The following LRRC37A2 variants were observed in gnomAD, a reference collection of about 807,000 sequenced individuals.
LRRC37A2 encodes the protein leucine rich repeat containing 37 member A2, also known as leucine-rich repeat-containing protein 37A2.
LRRC37A2 carries 9 observed loss-of-function variants against 68.8 expected under a neutral mutation model. The ratio of observed to expected loss-of-function variants is 0.13; its 90% CI spans 0.08 to 0.23. The LOEUF (loss-of-function observed/expected upper bound fraction) is 0.23. Among genes scored for constraint, LRRC37A2 ranks in the 10% least tolerant of loss-of-function variants. LRRC37A2 has a pLI of 1.00. For synonymous variants in LRRC37A2, 63 were observed against 367.6 expected (o/e 0.17, Z 9.48); for missense variants, 168 against 950.4 (o/e 0.18, Z 10.82).
At chr17:47,026,857 C>G in the LRRC37A2 span, among the ~76,000 whole-genome samples, 194 of 152,132 alleles carry the variant, frequency 1.3e-3, 1 homozygote, top group African/African-American at 4.4e-3. Context: ...TGATATTGAA[C>G]TGGCTTAGGA....
At chr17:46,530,427 T>C (rs1295275872) in intron 6 of LRRC37A2, among the ~76,000 whole-genome samples, 2 of 144,210 alleles carry the variant, frequency 1.4e-5, no homozygotes, top group South Asian at 4.4e-4. Context: ...AACAAGTTAA[T>C]GGCACTGAAA....
the LRRC37A2 span, among the ~76,000 whole-genome samples, chr17:46,659,816 G>A: frequency 7.0e-6 from 1 of 143,538 alleles, no homozygotes; most frequent in Non-Finnish European, 1.5e-5. Context: ...GCACTTCTCA[G>A]CATTGGGGCC....
At chr17:47,009,460 C>T in the LRRC37A2 span, among the ~76,000 whole-genome samples, 1 of 152,170 alleles carries the variant, frequency 6.6e-6, no homozygotes, top group Non-Finnish European at 1.5e-5. Context: ...AGCTGGGGAG[C>T]TGGGGGTGGA....
the LRRC37A2 span, among the ~76,000 whole-genome samples, chr17:46,499,662 C>T: frequency 2.3e-3 from 262 of 111,950 alleles, 2 homozygotes; most frequent in Admixed American, 0.022. Context: ...CATGGAGGAC[C>T]GTACAAAGTG....
the LRRC37A2 span, among the ~76,000 whole-genome samples, chr17:46,987,609 T>A: frequency 4.6e-5 from 7 of 152,174 alleles, no homozygotes; most frequent in Admixed American, 3.9e-4. Context: ...AAGGCCCCGA[T>A]GAGTGACCCC....
chr17:46,503,542 TATA>T, the LRRC37A2 span, among the ~76,000 whole-genome samples: 2 of 133,886 alleles, frequency 1.5e-5, no homozygotes, highest in Admixed American at 1.5e-4. Context: ...GTTTCATGAA[TATA>T]ATCATATTCT....
the LRRC37A2 span, among the ~76,000 whole-genome samples, chr17:46,761,353 A>G: frequency 2.8e-5 from 4 of 142,382 alleles, no homozygotes; most frequent in South Asian, 8.9e-4. Flanking sequence ...TTTTTTTGAG[A>G]TGGAGTCTCG....
chr17:46,929,596 A>G, the LRRC37A2 span: 22 of 1,345,518 alleles, frequency 1.6e-5, no homozygotes, highest in Middle Eastern at 3.6e-4. Flanking sequence ...TGAGTAATTA[A>G]CTGTGGAGAC....
At chr17:46,545,551 G>A (rs1321729416) in intron 8 of LRRC37A2, among the ~76,000 whole-genome samples, 6 of 126,996 alleles carry the variant, frequency 4.7e-5, no homozygotes, top group African/African-American at 7.5e-5. Flanking sequence ...TCACCCAAAT[G>A]TGCATCAATG....
intron 8 of LRRC37A2, among the ~76,000 whole-genome samples, chr17:46,541,712 C>T (rs1054424214): frequency 1.3e-5 from 2 of 150,800 alleles, no homozygotes; most frequent in African/African-American, 5.0e-5. Context: ...AACAATACAA[C>T]AATAAAAGCA....
At chr17:46,389,384 C>T in the LRRC37A2 span, among the ~76,000 whole-genome samples, 1 of 72,796 alleles carries the variant, frequency 1.4e-5, no homozygotes. Flanking sequence ...TAGCATCAGA[C>T]AATATGATCT....
chr17:47,023,810 G>A, the LRRC37A2 span, among the ~76,000 whole-genome samples: 1 of 151,960 alleles, frequency 6.6e-6, no homozygotes, highest in Non-Finnish European at 1.5e-5. Context: ...GGCCAGGCTG[G>A]TCTCAAACTC....
chr17:46,580,535 C>CAAA, the LRRC37A2 span, among the ~76,000 whole-genome samples: 21 of 71,690 alleles, frequency 2.9e-4, no homozygotes, highest in Middle Eastern at 7.5e-3. Flanking sequence ...CCCATCTCTG[C>CAAA]AAAAAAAAAC....
At chr17:46,971,763 A>G in the LRRC37A2 span, among the ~76,000 whole-genome samples, 1 of 152,210 alleles carries the variant, frequency 6.6e-6, no homozygotes, top group Admixed American at 6.5e-5. Context: ...CTTGTCTCTC[A>G]CGCCTCAAGC....
chr17:46,768,562 A>T, the LRRC37A2 span: 1 of 1,614,224 alleles, frequency 6.2e-7, no homozygotes, highest in Non-Finnish European at 8.5e-7. The surrounding 1 kb of genome is among the most constrained non-coding windows in gnomAD (Gnocchi z 5.0). Flanking sequence ...TTCTCGTAGT[A>T]GACCAGGTCC....
the LRRC37A2 span, among the ~76,000 whole-genome samples, chr17:46,461,372 A>G: frequency 9.2e-6 from 1 of 108,906 alleles, no homozygotes; most frequent in Non-Finnish European, 2.1e-5. Context: ...TAGAGAGCTT[A>G]CCTAAAGTAT....
chr17:46,872,906 G>A, the LRRC37A2 span: 12 of 1,116,598 alleles, frequency 1.1e-5, no homozygotes, highest in African/African-American at 6.3e-5. Context: ...GCCCTAGCAC[G>A]GTCCCAAATG....
At chr17:46,757,076 G>A in the LRRC37A2 span, 1 of 152,210 alleles carries the variant, frequency 6.6e-6, no homozygotes, top group African/African-American at 2.4e-5. Flanking sequence ...CACCCATGAG[G>A]CTTGTGGCCA....
At chr17:46,816,260 T>C in the LRRC37A2 span, among the ~76,000 whole-genome samples, 1 of 151,610 alleles carries the variant, frequency 6.6e-6, no homozygotes, top group African/African-American at 2.4e-5. Flanking sequence ...TCTCTCTGTC[T>C]CTTACACATG....
Sources: gnomAD v4.1 joint callset for allele counts (sites outside exome capture counted in the v4.1 genomes callset) on GRCh38, gnomAD v4.1.1 for gene constraint, Gnocchi (gnomAD v3.1) non-coding constraint, MANE v1.5 for transcripts, NCBI Gene and HGNC (gene_info 2026-07-23, HGNC 2026-07-21) for gene names.